Variants in NMT1 observed in about 807,000 individuals in gnomAD.
NMT1 encodes the protein glycylpeptide N-tetradecanoyltransferase 1.
Under a neutral mutation model 63.4 loss-of-function variants are expected in NMT1, and 12 were observed. The observed-to-expected ratio is 0.19, with a 90% CI of 0.12 to 0.31. The LOEUF is 0.31. NMT1 is among the 10% of genes least tolerant of loss of function. The probability of loss-of-function intolerance (pLI) is 1.00; values close to 1 mark genes in which losing one functional copy is unlikely to be tolerated. For missense variants in NMT1, 432 were observed against 634.6 expected, an observed-to-expected ratio of 0.68 and a Z score of 3.43; for synonymous variants, 228 against 234.3, an observed-to-expected ratio of 0.97 and a Z score of 0.25.
At chr17:45,063,310 A>T (rs2053880350) in intron 1 of NMT1, among the ~76,000 whole-genome samples, 1 of 151,918 alleles carries the variant, frequency 6.6e-6, no homozygotes, top group African/African-American at 2.4e-5. Context: ...CTCACAACAG[A>T]TCTAATGTAA....
At chr17:45,067,517 A>C (rs1409550741) in intron 1 of NMT1, among the ~76,000 whole-genome samples, 2 of 152,224 alleles carry the variant, frequency 1.3e-5, no homozygotes, top group Non-Finnish European at 2.9e-5. Flanking sequence ...GGAGGAGAGA[A>C]AAGTCTTTCT....
intron 3 of NMT1, among the ~76,000 whole-genome samples, chr17:45,091,142 C>T (rs1055228508): frequency 1.3e-5 from 2 of 150,018 alleles, no homozygotes; most frequent in Non-Finnish European, 3.0e-5. Flanking sequence ...TCCTAATTAT[C>T]CTTGAGGTCT....
chr17:45,062,693 T>C (rs531122171), intron 1 of NMT1, among the ~76,000 whole-genome samples: 1 of 152,356 alleles, frequency 6.6e-6, no homozygotes, highest in Admixed American at 6.5e-5. Context: ...TATAGCATGT[T>C]ACTGTAATGT....
chr17:45,088,226 G>A, intron 3 of NMT1, among the ~76,000 whole-genome samples: 1 of 152,122 alleles, frequency 6.6e-6, no homozygotes, highest in Middle Eastern at 3.2e-3. Flanking sequence ...AAGGCTTTGG[G>A]CCACAGGGTA....
chr17:45,096,764 A>G (rs1567870505), intron 5 of NMT1, among the ~76,000 whole-genome samples: 1 of 152,260 alleles, frequency 6.6e-6, no homozygotes, highest in African/African-American at 2.4e-5. Context: ...AGAGGGAGAC[A>G]GGACACCAGA....
intron 1 of NMT1, among the ~76,000 whole-genome samples, chr17:45,070,534 C>T (rs935579083): frequency 6.6e-6 from 1 of 152,240 alleles, no homozygotes. Context: ...TCTCCTGCCT[C>T]AGCCTCCTGG....
chr17:45,075,441 C>T lies in NMT1; in HGVS notation c.132-6203C>T, dbSNP rs1283426713. ...TGGAGGTTGCAGTGAGCCGAGATCA[C>T]ACCACTGCACTAGAGGCTGGGCAAC... On this transcript the variant is annotated intron_variant, in intron 1 of 11. Coordinates refer to ENST00000258960, the MANE Select transcript of NMT1 (RefSeq NM_021079.5). Among the ~76,000 whole-genome samples the T allele has an allele frequency of 2.0e-5, 3 of 150,958 alleles. No homozygotes were observed. The East Asian group carries it at 5.8e-4, about 29-fold the overall frequency.
At position 45,093,674 on chromosome 17, in the gene NMT1, T is replaced by C. The variant is rs761998611; in HGVS notation, c.386-11T>C. The C allele has an allele frequency of 6.2e-7, 1 of 1,612,762 alleles. No homozygotes were observed. On this transcript the variant is annotated splice_polypyrimidine_tract_variant and intron_variant, in intron 3 of 11. Coordinates refer to ENST00000258960, the MANE Select transcript of NMT1 (RefSeq NM_021079.5). ...CAAAGGGTGAGGCTCACAGCTGTGC[T>C]CTTCTTTCAGGCGAAGTGGTGAACA...
At chr17:45,088,047 C>A (rs2054065706) in intron 3 of NMT1, among the ~76,000 whole-genome samples, 1 of 152,244 alleles carries the variant, frequency 6.6e-6, no homozygotes, top group Non-Finnish European at 1.5e-5. Context: ...GGATGCAGTT[C>A]TTAGAAGCTT....
At chr17:45,075,610 T>C (rs1351902336) in intron 1 of NMT1, among the ~76,000 whole-genome samples, 1 of 151,530 alleles carries the variant, frequency 6.6e-6, no homozygotes, top group East Asian at 1.9e-4. Flanking sequence ...TGAAACCCCG[T>C]CTCTACTAAA....
At chr17:45,092,427 T>TA (rs2054094448) in intron 3 of NMT1, among the ~76,000 whole-genome samples, 1 of 151,944 alleles carries the variant, frequency 6.6e-6, no homozygotes, top group African/African-American at 2.4e-5. Flanking sequence ...AGCTTCCTGT[T>TA]ACATGTTAGA....
intron 8 of NMT1, among the ~76,000 whole-genome samples, chr17:45,101,700 G>A (rs570913125): frequency 5.3e-5 from 8 of 151,282 alleles, no homozygotes; most frequent in South Asian, 4.2e-4. Context: ...GGTCATCAGT[G>A]CACACAGTCA....
Position 45,105,129 on chromosome 17 carries a change from C to A in NMT1, c.1470+133C>A. ...ACCTCGAGTTGAACCTTTGAAAATG[C>A]CCTCCCTCTGCTGGCCAGACCAGCA... On this transcript the variant is annotated intron_variant, in intron 11 of 11. Transcript: ENST00000258960. The surrounding 1 kb of genome is among the most constrained non-coding windows in gnomAD (Gnocchi z 4.2). The A allele has an allele frequency of 8.4e-7, 1 of 1,188,494 alleles. No homozygotes were observed. The allele number at this position is 1,188,494 out of a possible 1,614,324, so 73.6% of individuals were successfully genotyped here.
At chr17:45,099,120 G>A (rs1165862595) in intron 7 of NMT1, among the ~76,000 whole-genome samples, 1 of 152,200 alleles carries the variant, frequency 6.6e-6, no homozygotes, top group Non-Finnish European at 1.5e-5. Flanking sequence ...CTTTTCCGTT[G>A]ACTTGATTCT....
chr17:45,068,953 A>G (rs1293333406), intron 1 of NMT1, among the ~76,000 whole-genome samples: 3 of 127,132 alleles, frequency 2.4e-5, no homozygotes, highest in African/African-American at 9.1e-5. Flanking sequence ...CCTGGACTTT[A>G]GTTTTTTGTT....
At chr17:45,099,544 G>C in intron 8 of NMT1, 31 bp downstream of exon 8, 1 of 1,485,280 alleles carries the variant, frequency 6.7e-7, no homozygotes, top group Non-Finnish European at 9.4e-7. Context: ...TGGGCAGGGG[G>C]CAGAGAGAGG....
Position 45,104,402 on chromosome 17 carries a change from T to A in NMT1, c.1333-457T>A. 2 of 1,120,176 alleles carry A rather than the reference T, an allele frequency of 1.8e-6. No individual in the cohort carries two copies. Among genetic ancestry groups the A allele is most frequent in the Non-Finnish European group, 2.2e-6 (2 of 909,976 alleles). The allele number at this position is 1,120,176 out of a possible 1,614,324, so 69.4% of individuals were successfully genotyped here. ...AGGTTTAGGAAGCATCTTCACAGTC[T>A]CCAAGCAACACAGCAGGTGTCATAC... On this transcript the variant is annotated intron_variant, in intron 10 of 11. Transcript: ENST00000258960. This position sits in a 1 kb window ranked among gnomAD's most constrained non-coding sequence, Gnocchi z 4.2.
Position 45,096,217 on chromosome 17 carries a change from G to C in NMT1, c.528G>C (p.Leu176=), listed in dbSNP as rs927057705. The C allele has an allele frequency of 6.2e-7, 1 of 1,614,010 alleles. No homozygotes were observed. The highest frequency in any genetic ancestry group is 8.5e-7 in the Non-Finnish European group (1 of 1,179,844). The change falls in exon 5 of 12, where the codon CTG becomes CTC. Residue 176 remains leucine, a synonymous_variant. Transcript: ENST00000258960. ...AGCTAAAAGAACTGTACACCCTCCT[G>C]AATGAGAACTATGTGGAAGATGATG... ...RGVLKELYTL[L]NENYVEDDDN...
chr17:45,095,440 C>T (rs988869774), intron 4 of NMT1, among the ~76,000 whole-genome samples: 3 of 152,080 alleles, frequency 2.0e-5, no homozygotes, highest in African/African-American at 4.8e-5. Context: ...GTTGGGCCAG[C>T]AGATGGAGAT....
Sources: gnomAD v4.1 joint callset for allele counts (sites outside exome capture counted in the v4.1 genomes callset) on GRCh38, gnomAD v4.1.1 for gene constraint, Gnocchi (gnomAD v3.1) non-coding constraint, MANE v1.5 for transcripts, NCBI Gene and HGNC (gene_info 2026-07-23, HGNC 2026-07-21) for gene names.